The following NPHP1 variants were observed in gnomAD, a reference collection of about 807,000 sequenced individuals.
NPHP1 encodes nephrocystin-1.
In NPHP1, 70 loss-of-function variants were observed where a neutral mutation model predicts 90.4. The ratio of observed to expected loss-of-function variants is 0.77; its 90% CI spans 0.64 to 0.95. The LOEUF is 0.95. Among genes scored for constraint, NPHP1 ranks in the 40% least tolerant of loss-of-function variants. NPHP1 has a pLI of 0.00. For missense variants in NPHP1, 764 were observed against 795.9 expected (o/e 0.96, Z 0.48); for synonymous variants, 256 against 271.7 (o/e 0.94, Z 0.57).
At chr2:110,136,949 C>T (rs1346166320) in intron 16 of NPHP1, among the ~76,000 whole-genome samples, 1 of 152,166 alleles carries the variant, frequency 6.6e-6, no homozygotes, top group Non-Finnish European at 1.5e-5. Context: ...GTAACCAAAA[C>T]AGCACAGTAC....
At chr2:110,159,855 T>C (rs1682173644) in intron 11 of NPHP1, among the ~76,000 whole-genome samples, 1 of 152,110 alleles carries the variant, frequency 6.6e-6, no homozygotes, top group Non-Finnish European at 1.5e-5. Context: ...CTTCTTTTTC[T>C]AGCCTCTTGA....
chr2:110,162,541 G>A (rs1267283043), intron 9 of NPHP1, among the ~76,000 whole-genome samples: 1 of 152,080 alleles, frequency 6.6e-6, no homozygotes, highest in Non-Finnish European at 1.5e-5. Context: ...TCTTTAAAAT[G>A]AGCTTATAGA....
chr2:110,124,347 G>C (rs1258327587), intron 19 of NPHP1: 1 of 503,422 alleles, frequency 2.0e-6, no homozygotes, highest in African/African-American at 1.9e-5. Flanking sequence ...CACACATTCT[G>C]TCAAGGTATT....
rs533665303 is a variant in NPHP1 at position 110,140,176 on chromosome 2, G to A, written c.1529+3366C>T. On this transcript the variant is annotated intron_variant, in intron 16 of 19. Coordinates refer to ENST00000445609, the MANE Select transcript of NPHP1 (RefSeq NM_001128178.3). ...CCAGGAATGTATATTTTGGGGTCAT[G>A]CAAAGTGGAGAGGCAATTTCAAGCC... Among the ~76,000 whole-genome samples the A allele has an allele frequency of 7.2e-5, 11 of 152,242 alleles. 1 individual carries two copies. The highest frequency in any genetic ancestry group is 2.6e-4 in the African/African-American group (11 of 41,532).
At chr2:110,133,282 T>C (rs989192447) in intron 16 of NPHP1, among the ~76,000 whole-genome samples, 40 of 151,992 alleles carry the variant, frequency 2.6e-4, no homozygotes, top group African/African-American at 9.7e-4. Context: ...CAAAATAGAC[T>C]TCAAGCCCCC....
intron 12 of NPHP1, 145 bp from the exon 13 acceptor site, chr2:110,148,171 G>A (rs1204814090): frequency 1.3e-5 from 9 of 695,160 alleles, no homozygotes; most frequent in Non-Finnish European, 2.4e-5. Context: ...AGGTGTTTGG[G>A]TCATGAGGGC....
chr2:110,130,308 G>A (rs574005728), intron 17 of NPHP1, among the ~76,000 whole-genome samples: 1 of 152,258 alleles, frequency 6.6e-6, no homozygotes, highest in East Asian at 1.9e-4. Flanking sequence ...TCATTCTTTA[G>A]ATATTATTAG....
chr2:110,129,183 C>T lies in NPHP1; in HGVS notation c.1716+3G>A, dbSNP rs754292506. The T allele has an allele frequency of 4.3e-6, 7 of 1,609,522 alleles. No homozygotes were observed. Among genetic ancestry groups the T allele is most frequent in the Admixed American group, 1.7e-5 (1 of 59,916 alleles). On this transcript the variant is annotated splice_donor_region_variant and intron_variant, in intron 18 of 19. Transcript: ENST00000445609. ...GGTTTCCATTGCAATGCATGCTACC[C>T]ACCCTGAGAGCATCCATCACATCAG...
intron 19 of NPHP1, 22 bp downstream of exon 19, chr2:110,125,615 A>C (rs1679294977): frequency 6.2e-7 from 1 of 1,600,172 alleles, no homozygotes; most frequent in Non-Finnish European, 8.6e-7. Flanking sequence ...TATGGAGTTC[A>C]GTGTGGAGAC....
chr2:110,156,463 T>C (rs1462590608), intron 11 of NPHP1, among the ~76,000 whole-genome samples: 2 of 151,998 alleles, frequency 1.3e-5, no homozygotes, highest in East Asian at 3.9e-4. Flanking sequence ...TATGTCTTTA[T>C]CAGCAGCGTG....
intron 2 of NPHP1, 44 bp from the exon 3 acceptor site, chr2:110,179,728 C>A: frequency 1.1e-6 from 1 of 885,650 alleles, no homozygotes; most frequent in South Asian, 1.4e-5. Flanking sequence ...TTTCTATTAT[C>A]AGAACCAGAA....
chr2:110,129,392 A>G (rs1261303070), intron 17 of NPHP1, 133 bp from the exon 18 acceptor site: 13 of 761,258 alleles, frequency 1.7e-5, no homozygotes, highest in Middle Eastern at 2.6e-4. Flanking sequence ...ACACACTTTG[A>G]CTTCTAGGAG....
chr2:110,143,829 A>G (rs551850818), intron 15 of NPHP1, 188 bp from the exon 16 acceptor site: 2 of 585,098 alleles, frequency 3.4e-6, no homozygotes, highest in East Asian at 5.9e-5. Context: ...GCTAAATCAC[A>G]TGAGTTACAG....
intron 11 of NPHP1, among the ~76,000 whole-genome samples, chr2:110,157,818 T>C (rs1682021605): frequency 6.6e-6 from 1 of 152,156 alleles, no homozygotes; most frequent in African/African-American, 2.4e-5. Flanking sequence ...CTCTGATAAC[T>C]TCCCTTACAT....
chr2:110,150,185 G>A lies in NPHP1; in HGVS notation c.1155C>T (p.Pro385=), dbSNP rs764393306. 1.9e-6 allele frequency: 3 copies of A among 1,611,764 alleles called. No homozygotes were observed. Among genetic ancestry groups the A allele is most frequent in the Admixed American group, 3.3e-5 (2 of 59,994 alleles). The part of the protein sequence containing the change: ...PKKPKTWTFS[P]QVTRILPCLL... ...ACTCATTCAGCAGATTACTTACCTG[G>A]GGAGAAAAGGTCCATGTTTTGGGCT... Residue 385 remains proline, a synonymous_variant, in exon 12 of 20, where the codon CCC becomes CCT. Transcript: ENST00000445609.
intron 4 of NPHP1, chr2:110,178,036 C>A: frequency 3.9e-6 from 1 of 253,664 alleles, no homozygotes; most frequent in African/African-American, 2.3e-5. Flanking sequence ...TCACCACACT[C>A]AGTCTTTGCT....
chr2:110,135,561 G>T (rs938352274), intron 16 of NPHP1, among the ~76,000 whole-genome samples: 1 of 149,424 alleles, frequency 6.7e-6, no homozygotes, highest in Non-Finnish European at 1.5e-5. Context: ...AATGTATCAT[G>T]CACAAGATTT....
intron 14 of NPHP1, among the ~76,000 whole-genome samples, chr2:110,145,449 C>T (rs1156579356): frequency 6.6e-6 from 1 of 151,948 alleles, no homozygotes; most frequent in East Asian, 1.9e-4. Flanking sequence ...TGCCACCATG[C>T]TTGGCTAATT....
In NPHP1 at chr2:110,164,674, C is replaced by T; in HGVS notation, c.771+14G>A. On this transcript the variant is annotated intron_variant, in intron 8 of 19. Coordinates refer to ENST00000445609, the MANE Select transcript of NPHP1 (RefSeq NM_001128178.3). ...GCAAAACGAGACATGATTAACAAGA[C>T]AGAAGATGCCCGCCTCTGAAATCGC... The T allele has an allele frequency of 6.2e-7, 1 of 1,613,988 alleles. No homozygotes were observed. Among genetic ancestry groups the T allele is most frequent in the Non-Finnish European group, 8.5e-7 (1 of 1,179,964 alleles).
Sources: gnomAD v4.1 joint callset for allele counts (sites outside exome capture counted in the v4.1 genomes callset) on GRCh38, gnomAD v4.1.1 for gene constraint, MANE v1.5 for transcripts, NCBI Gene and HGNC (gene_info 2026-07-23, HGNC 2026-07-21) for gene names.